CTPS1: variants seen among roughly 807,000 people sequenced by gnomAD.
CTPS1 encodes CTP synthetase 1.
In CTPS1, 25 loss-of-function variants were observed where a neutral mutation model predicts 80.5. That is an observed-to-expected ratio of 0.31 (90% CI 0.23 to 0.43). CTPS1 has a LOEUF of 0.43. Among genes scored for constraint, CTPS1 ranks in the 20% least tolerant of loss-of-function variants. The probability of loss-of-function intolerance (pLI) is 1.00; values close to 1 mark genes in which losing one functional copy is unlikely to be tolerated. For missense variants in CTPS1, 442 were observed against 725.7 expected, an observed-to-expected ratio of 0.61 and a Z score of 4.49; for synonymous variants, 267 against 252.5, an observed-to-expected ratio of 1.06 and a Z score of -0.54.
chr1:40,995,337 G>T (rs759642067), intron 7 of CTPS1, among the ~76,000 whole-genome samples: 1 of 151,734 alleles, frequency 6.6e-6, no homozygotes, highest in South Asian at 2.1e-4. Flanking sequence ...TCCCACCTCA[G>T]CCTCCCGAGT....
At chr1:41,004,819 C>T (rs941974910) in intron 12 of CTPS1, among the ~76,000 whole-genome samples, 1 of 152,138 alleles carries the variant, frequency 6.6e-6, no homozygotes, top group Non-Finnish European at 1.5e-5. Flanking sequence ...AGACAAGAGT[C>T]TGAAACATTA....
chr1:41,005,210 C>T (rs1211586003), intron 12 of CTPS1, among the ~76,000 whole-genome samples: 4 of 151,664 alleles, frequency 2.6e-5, no homozygotes, highest in South Asian at 2.1e-4. Flanking sequence ...TTTGGGAGGC[C>T]GAGGCAGGCA....
At chr1:41,001,847 G>T (rs1001052224) in intron 10 of CTPS1, among the ~76,000 whole-genome samples, 1 of 152,114 alleles carries the variant, frequency 6.6e-6, no homozygotes, top group African/African-American at 2.4e-5. Context: ...CTGGGTAACA[G>T]TGTGAGACCC....
rs200983055 is a variant in CTPS1 at position 40,997,348 on chromosome 1, G to A, written c.873-46G>A. ...ATAGCTATTTTGGTCTCATGATAGCGTGTACCTTCTGAGTAATTGGGTTTT... is the reference window on the plus strand; with the variant it reads ...ATAGCTATTTTGGTCTCATGATAGCATGTACCTTCTGAGTAATTGGGTTTT... On this transcript the variant is annotated intron_variant, in intron 8 of 18. Coordinates refer to ENST00000650070, the MANE Select transcript of CTPS1 (RefSeq NM_001905.4). 928 of 1,597,500 alleles carry A rather than the reference G, an allele frequency of 5.8e-4. 2 individuals carry two copies. Among genetic ancestry groups the A allele is most frequent in the South Asian group, 3.9e-3 (345 of 87,806 alleles).
rs1476231227 is a variant in CTPS1, at chr1:41,009,437, T to A, written c.1547-8T>A. The A allele has an allele frequency of 1.3e-6, 2 of 1,558,126 alleles. No individual in the cohort carries two copies. The highest frequency in any genetic ancestry group is 4.2e-5 in the Admixed American group (2 of 47,238). ...AATGAAGCTGTTTCTTTTGAATCTC[T>A]ATTTCAGATCATCCCTTTTTTGTTG... On this transcript the variant is annotated splice_region_variant and splice_polypyrimidine_tract_variant and intron_variant, in intron 16 of 18. Transcript: ENST00000650070.
intron 8 of CTPS1, 91 bp downstream of exon 8, chr1:40,996,159 T>A (rs764335772): frequency 1.4e-6 from 2 of 1,431,436 alleles, no homozygotes; most frequent in South Asian, 2.4e-5. Context: ...ACTTTTGTAC[T>A]TTTGCACTTC....
At chr1:41,000,416 T>C (rs2148410214) in intron 9 of CTPS1, among the ~76,000 whole-genome samples, 1 of 151,740 alleles carries the variant, frequency 6.6e-6, no homozygotes, top group Admixed American at 6.6e-5. Flanking sequence ...CTATTTTTTT[T>C]TTTTTTTTGT....
intron 8 of CTPS1, chr1:40,997,175 C>T: frequency 2.0e-6 from 1 of 496,026 alleles, no homozygotes. Flanking sequence ...CACTGTTGCC[C>T]AGGCTGTAGT....
At chr1:40,990,781 A>G (rs78189938) in intron 5 of CTPS1, among the ~76,000 whole-genome samples, 11,769 of 152,312 alleles carry the variant, frequency 0.077, 585 homozygotes, top group South Asian at 0.13. Flanking sequence ...CTTAAAAAGT[A>G]TGTAAACCCA....
At chr1:40,989,466 C>T (rs1485587694) in intron 5 of CTPS1, among the ~76,000 whole-genome samples, 1 of 152,182 alleles carries the variant, frequency 6.6e-6, no homozygotes, top group Non-Finnish European at 1.5e-5. Flanking sequence ...GTAAGATTGT[C>T]TTCTGGGGTA....
intron 9 of CTPS1, among the ~76,000 whole-genome samples, chr1:40,999,148 C>T (rs912424617): frequency 2.0e-5 from 3 of 152,074 alleles, no homozygotes. Flanking sequence ...TGGAGGGACA[C>T]CAGGTTGGGT....
intron 4 of CTPS1, among the ~76,000 whole-genome samples, chr1:40,988,309 A>G (rs1185442960): frequency 6.8e-6 from 1 of 147,918 alleles, no homozygotes; most frequent in Non-Finnish European, 1.5e-5. Context: ...TGTCACTGTG[A>G]TAGAGATAAC....
At chr1:40,988,986 T>C (rs936475418) in intron 5 of CTPS1, among the ~76,000 whole-genome samples, 1 of 152,180 alleles carries the variant, frequency 6.6e-6, no homozygotes, top group African/African-American at 2.4e-5. Flanking sequence ...AAGAGGCTGT[T>C]TTTAAAGACA....
chr1:40,993,565 T>C (rs540126596), intron 7 of CTPS1, among the ~76,000 whole-genome samples: 1 of 152,222 alleles, frequency 6.6e-6, no homozygotes, highest in East Asian at 1.9e-4. Flanking sequence ...CTTGAACTCT[T>C]TGGGCTCAGG....
intron 16 of CTPS1, 44 bp from the exon 17 acceptor site, chr1:41,009,401 A>G (rs534906663): frequency 9.3e-5 from 141 of 1,518,288 alleles, no homozygotes; most frequent in South Asian, 2.1e-4. Flanking sequence ...CACTTTGTGC[A>G]TAACCTTCAC....
intron 9 of CTPS1, among the ~76,000 whole-genome samples, chr1:41,000,481 G>A (rs1200105740): frequency 6.7e-6 from 1 of 150,086 alleles, no homozygotes; most frequent in Non-Finnish European, 1.5e-5. Flanking sequence ...TCGAACTCCT[G>A]ACCTCAAGTG....
At chr1:40,988,553 G>A (rs1297903800) in intron 4 of CTPS1, 41 bp from the exon 5 acceptor site, 7 of 1,345,372 alleles carry the variant, frequency 5.2e-6, no homozygotes, top group Non-Finnish European at 7.4e-6. Flanking sequence ...TGCCAGAGAA[G>A]GGTTTAGTGC....
At position 41,009,575 on chromosome 1, in the gene CTPS1, C is replaced by T. The variant is rs776575224; in HGVS notation, c.1677C>T (p.Cys559=). Residue 559 remains cysteine (C), a synonymous_variant, in exon 17 of 19, where the codon TGC becomes TGT. Transcript: ENST00000650070. Reference sequence around the variant, plus strand: ...TCTCACATTACCTCCAGAAAGGCTGCAGGCTCTCACCCAGGTAGGCGCACT... The same window carrying T: ...TCTCACATTACCTCCAGAAAGGCTGTAGGCTCTCACCCAGGTAGGCGCACT... ...GRLSHYLQKG[C]RLSPRDTYSD... 1.9e-6 allele frequency: 3 copies of T among 1,614,158 alleles called. No homozygotes were observed. The highest frequency in any genetic ancestry group is 1.6e-4 in the Middle Eastern group (1 of 6,062).
intron 16 of CTPS1, 93 bp downstream of exon 16, chr1:41,008,983 C>A: frequency 9.8e-7 from 1 of 1,023,116 alleles, no homozygotes; most frequent in Non-Finnish European, 1.5e-6. Context: ...TTGCTCCTGA[C>A]CTAACAGAAT....
Sources: allele counts gnomAD v4.1 joint callset (sites outside exome capture counted in the v4.1 genomes callset), GRCh38; gene constraint gnomAD v4.1.1; transcripts MANE v1.5; gene names NCBI Gene and HGNC (gene_info 2026-07-23, HGNC 2026-07-21).